The following KIF6 variants were observed in gnomAD, a reference collection of about 807,000 sequenced individuals.
The protein encoded by KIF6 is kinesin family member 6, also known as kinesin-like protein KIF6.
KIF6 carries 106 observed loss-of-function variants against 112.7 expected under a neutral mutation model. That is an observed-to-expected ratio of 0.94 (90% CI 0.80 to 1.11). KIF6 has a LOEUF of 1.11. Among genes scored for constraint, KIF6 ranks in the 50% least tolerant of loss-of-function variants. KIF6 has a pLI of 0.00. For synonymous variants in KIF6, 339 were observed against 339.9 expected (o/e 1.00, Z 0.03); for missense variants, 929 against 964.0 (o/e 0.96, Z 0.48).
intron 13 of KIF6, among the ~76,000 whole-genome samples, chr6:39,528,323 T>C (rs11760144): frequency 0.017 from 2,541 of 152,350 alleles, 33 homozygotes; most frequent in Non-Finnish European, 0.025. Flanking sequence ...CAGTATCGCA[T>C]TGTGTATCTG....
intron 5 of KIF6, among the ~76,000 whole-genome samples, chr6:39,634,353 T>A (rs779490474): frequency 6.6e-6 from 1 of 152,114 alleles, no homozygotes; most frequent in East Asian, 1.9e-4. Flanking sequence ...CATGAAACAA[T>A]CAGTGCCAAT....
chr6:39,707,544 A>G (rs918167687), intron 3 of KIF6, among the ~76,000 whole-genome samples: 1 of 152,216 alleles, frequency 6.6e-6, no homozygotes, highest in Non-Finnish European at 1.5e-5. Context: ...GTCACTTCTC[A>G]GGTCCTGAGG....
intron 15 of KIF6, among the ~76,000 whole-genome samples, chr6:39,398,874 A>G (rs1407413855): frequency 6.6e-6 from 1 of 152,242 alleles, no homozygotes; most frequent in African/African-American, 2.4e-5. Context: ...TTGCTTAAAC[A>G]CTAGTCTAGA....
chr6:39,344,532 G>A (rs543027456), intron 21 of KIF6, among the ~76,000 whole-genome samples: 1 of 152,184 alleles, frequency 6.6e-6, no homozygotes, highest in African/African-American at 2.4e-5. Context: ...GCCACTTCCA[G>A]CCTCAGGGCC....
At chr6:39,386,850 G>T (rs932625063) in intron 15 of KIF6, among the ~76,000 whole-genome samples, 5 of 152,174 alleles carry the variant, frequency 3.3e-5, no homozygotes, top group African/African-American at 7.2e-5. Flanking sequence ...TGTCCCATTT[G>T]GGGGATGTGA....
intron 13 of KIF6, among the ~76,000 whole-genome samples, chr6:39,511,916 G>A (rs188147725): frequency 1.9e-3 from 294 of 152,296 alleles, no homozygotes; most frequent in African/African-American, 6.6e-3. Context: ...GACACAGGGA[G>A]GGGAACATCC....
At chr6:39,356,262 C>G (rs1490965693) in intron 19 of KIF6, among the ~76,000 whole-genome samples, 1 of 151,804 alleles carries the variant, frequency 6.6e-6, no homozygotes, top group Non-Finnish European at 1.5e-5. Flanking sequence ...TGGGGACTGT[C>G]TGACACCTTC....
rs78538442 is a variant in KIF6, at chr6:39,384,414, C to T, written c.1861+1208G>A. On this transcript the variant is annotated intron_variant, in intron 16 of 22. Transcript: ENST00000287152. ...GCCTGGCTCTTTGTTGAAGACACTTCGCAGAATCTCAATGCTAAGTGTGTG... is the reference window on the plus strand; with the variant it reads ...GCCTGGCTCTTTGTTGAAGACACTTTGCAGAATCTCAATGCTAAGTGTGTG... Among the ~76,000 whole-genome samples, 939 of 152,278 alleles carry T rather than the reference C, an allele frequency of 6.2e-3. 11 individuals carry two copies. Among genetic ancestry groups the T allele is most frequent in the African/African-American group, 0.02 (823 of 41,564 alleles).
chr6:39,643,472 C>T (rs146247960), intron 3 of KIF6, among the ~76,000 whole-genome samples: 3,022 of 152,284 alleles, frequency 0.02, 55 homozygotes, highest in Non-Finnish European at 0.029. Flanking sequence ...TAAGGCCATA[C>T]ATATGGATCA....
intron 15 of KIF6, among the ~76,000 whole-genome samples, chr6:39,388,268 C>A (rs1272128463): frequency 6.7e-6 from 1 of 149,444 alleles, no homozygotes; most frequent in African/African-American, 2.6e-5. Context: ...TCCTTTTTCC[C>A]AAACCCTAAG....
chr6:39,484,477 A>G (rs1466719715), intron 13 of KIF6, among the ~76,000 whole-genome samples: 3 of 152,326 alleles, frequency 2.0e-5, no homozygotes, highest in East Asian at 3.9e-4. Flanking sequence ...AGGAAGCCAC[A>G]AGGGAGAGGA....
intron 3 of KIF6, among the ~76,000 whole-genome samples, chr6:39,687,163 T>G (rs1293914942): frequency 6.6e-6 from 1 of 151,876 alleles, no homozygotes; most frequent in Non-Finnish European, 1.5e-5. Context: ...ACACCACAGA[T>G]GAATATGGAA....
chr6:39,606,597 A>C (rs2150707127), intron 6 of KIF6, among the ~76,000 whole-genome samples: 1 of 152,252 alleles, frequency 6.6e-6, no homozygotes, highest in Non-Finnish European at 1.5e-5. Flanking sequence ...AAGAGCATAA[A>C]CTTTCCTCAA....
At chr6:39,529,904 C>T (rs1777946435) in intron 13 of KIF6, among the ~76,000 whole-genome samples, 1 of 152,250 alleles carries the variant, frequency 6.6e-6, no homozygotes, top group African/African-American at 2.4e-5. Context: ...TTCTGCCCAT[C>T]CTTTGAGATT....
rs146857339 is a variant in KIF6, at chr6:39,481,810, G to A, written c.1646-50649C>T. Among the ~76,000 whole-genome samples the A allele has an allele frequency of 9.9e-5, 15 of 152,232 alleles. No homozygotes were observed. The South Asian group carries it at 2.1e-3, about 21-fold the overall frequency. On this transcript the variant is annotated intron_variant, in intron 13 of 22. Coordinates refer to ENST00000287152, the MANE Select transcript of KIF6 (RefSeq NM_145027.6). ...TGAGCTATTTCCCATCTGTGGGGAT[G>A]ACTTACACTTTCCCCTCTGACTATT...
At chr6:39,336,680 T>A in intron 22 of KIF6, 132 bp from the exon 23 acceptor site, 1 of 774,258 alleles carries the variant, frequency 1.3e-6, no homozygotes, top group Non-Finnish European at 2.3e-6. Context: ...GTGTCTTGCC[T>A]CCCAGGAGCT....
chr6:39,715,140 C>T (rs997041722), intron 2 of KIF6, among the ~76,000 whole-genome samples: 1 of 152,288 alleles, frequency 6.6e-6, no homozygotes, highest in Non-Finnish European at 1.5e-5. Context: ...TGTAAACAGC[C>T]AAGGAACTTC....
chr6:39,669,414 C>T (rs1298366972), intron 3 of KIF6, among the ~76,000 whole-genome samples: 1 of 152,204 alleles, frequency 6.6e-6, no homozygotes, highest in Non-Finnish European at 1.5e-5. Context: ...CATAGAGGCT[C>T]TCCACAGAAG....
chr6:39,510,839 C>T (rs1397548301), intron 13 of KIF6, among the ~76,000 whole-genome samples: 2 of 97,090 alleles, frequency 2.1e-5, no homozygotes, highest in African/African-American at 4.3e-5. Flanking sequence ...CAAAATAAAG[C>T]GATGGAAGAA....
Sources: gnomAD v4.1 joint callset for allele counts (sites outside exome capture counted in the v4.1 genomes callset) on GRCh38, gnomAD v4.1.1 for gene constraint, MANE v1.5 for transcripts, NCBI Gene and HGNC (gene_info 2026-07-23, HGNC 2026-07-21) for gene names.